PPP2R5D: variants seen among roughly 807,000 people sequenced by gnomAD.
PPP2R5D encodes the protein serine/threonine-protein phosphatase 2A 56 kDa regulatory subunit delta isoform.
In PPP2R5D, 12 loss-of-function variants were observed where a neutral mutation model predicts 79.1. The observed-to-expected ratio is 0.15, with a 90% CI of 0.10 to 0.25. The LOEUF (loss-of-function observed/expected upper bound fraction) is 0.25, where lower values mean the gene tolerates loss of function less well. PPP2R5D is among the 10% of genes least tolerant of loss of function. PPP2R5D has a pLI of 1.00. For synonymous variants in PPP2R5D, 277 were observed against 286.6 expected (o/e 0.97, Z 0.34); for missense variants, 419 against 760.2 (o/e 0.55, Z 5.28).
intron 2 of PPP2R5D, among the ~76,000 whole-genome samples, chr6:42,996,278 C>T (rs914308282): frequency 6.6e-6 from 1 of 150,422 alleles, no homozygotes; most frequent in Non-Finnish European, 1.5e-5. Context: ...TCCTGGCTAA[C>T]ATGGTGAAAC....
intron 2 of PPP2R5D, among the ~76,000 whole-genome samples, chr6:42,999,160 CAG>C (rs113807520): frequency 0.028 from 4,235 of 152,280 alleles, 183 homozygotes; most frequent in African/African-American, 0.095. Flanking sequence ...AGAAGCTTCT[CAG>C]GGGACTCACT....
At chr6:43,002,167 T>C (rs1184412858) in intron 2 of PPP2R5D, among the ~76,000 whole-genome samples, 1 of 111,846 alleles carries the variant, frequency 8.9e-6, no homozygotes, top group South Asian at 2.3e-4. Flanking sequence ...TTGGTTGTTC[T>C]TTTTTTTTTT....
chr6:43,010,378 CAG>C lies in PPP2R5D; in HGVS notation c.1380-86_1380-85del, dbSNP rs1762293285. 2 of 1,013,012 alleles carry C rather than the reference CAG, an allele frequency of 2.0e-6. No homozygotes were observed. The highest frequency in any genetic ancestry group is 1.6e-5 in the African/African-American group (1 of 62,942). The allele number at this position is 1,013,012 out of a possible 1,614,324, so 62.8% of individuals were successfully genotyped here. A position where few individuals can be genotyped will look rare whatever the true frequency, so the allele number is the denominator to read the frequency against. Reference sequence around the variant, plus strand: ...AAGTAGTAAATGACAAAGCTCTTAGCAGAGATACCCCTGTGAGAGAACAAATT... The same window carrying C: ...AAGTAGTAAATGACAAAGCTCTTAGCAGATACCCCTGTGAGAGAACAAATT... On this transcript the variant is annotated intron_variant, in intron 12 of 15. Transcript: ENST00000485511. This position sits in a 1 kb window ranked among gnomAD's most constrained non-coding sequence, Gnocchi z 4.7.
At position 43,008,038 on chromosome 6, in the gene PPP2R5D, G is replaced by A; in HGVS notation, c.830G>A (p.Arg277His). The change falls in exon 7 of 16, where the codon CGT (arginine) becomes CAT (histidine). Residue 277 changes from arginine (R) to histidine (H), a missense_variant. Around this residue, in one of 5 missense-constraint regions of PPP2R5D, gnomAD observed 196 missense variants for 424.5 expected, o/e 0.46. Coordinates refer to ENST00000485511, the MANE Select transcript of PPP2R5D (RefSeq NM_006245.4). This position sits in a 1 kb window ranked among gnomAD's most constrained non-coding sequence, Gnocchi z 4.2. Reference protein sequence around the residue: ...GKFLGLRAYIRRQINHIFYRF... With the variant: ...GKFLGLRAYIHRQINHIFYRF... ...TTTTTGGGGCTCCGGGCTTATATCC[G>A]TAGGCAGATCAACCACATCTTCTAC... The A allele has an allele frequency of 1.2e-6, 2 of 1,614,156 alleles. No individual in the cohort carries two copies.
rs376617136 is a variant in PPP2R5D, at chr6:43,010,425, C to T, written c.1380-43C>T. The T allele has an allele frequency of 5.8e-6, 9 of 1,557,094 alleles. No individual in the cohort carries two copies. The highest frequency in any genetic ancestry group is 5.6e-5 in the South Asian group (5 of 89,952). On this transcript the variant is annotated intron_variant, in intron 12 of 15. Coordinates refer to ENST00000485511, the MANE Select transcript of PPP2R5D (RefSeq NM_006245.4). The surrounding 1 kb of genome is among the most constrained non-coding windows in gnomAD (Gnocchi z 4.7). The stretch of plus-strand genomic sequence containing the variant: ...CAAATTGGGTTCCTCACGCTAAGGG[C>T]AGGCTCTGGCCTCCTACACCTCATC...
Position 43,007,050 on chromosome 6 carries a change from G to A in PPP2R5D, c.462G>A (p.Glu154=), listed in dbSNP as rs762227983. ...VKRAGLNEMV[E]YITHSRDVVT... ...GGGCAGGACTCAACGAGATGGTGGA[G>A]TACATCACCCATAGCCGTGATGTTG... The change falls in exon 4 of 16, where the codon GAG becomes GAA. Residue 154 remains glutamate, a synonymous_variant. Transcript: ENST00000485511. The surrounding 1 kb of genome is among the most constrained non-coding windows in gnomAD (Gnocchi z 4.5). 10 of 1,614,042 alleles carry A rather than the reference G, an allele frequency of 6.2e-6. No homozygotes were observed. The highest frequency in any genetic ancestry group is 2.2e-5 in the East Asian group (1 of 44,892).
Position 43,011,339 on chromosome 6 carries a change from C to T in PPP2R5D, c.*53C>T. 1 of 1,608,254 alleles carries T rather than the reference C, an allele frequency of 6.2e-7. No individual in the cohort carries two copies. ...AGCCCACACAGCCCTGGGACACTGC[C>T]CTGGCCCTCCATACTCTGCTCCCTA... On this transcript the variant is annotated 3_prime_UTR_variant, in exon 16 of 16. Coordinates refer to ENST00000485511, the MANE Select transcript of PPP2R5D (RefSeq NM_006245.4).
At chr6:42,985,828 AGTGCAATG>A (rs1770803020) in intron 1 of PPP2R5D, among the ~76,000 whole-genome samples, 1 of 135,972 alleles carries the variant, frequency 7.4e-6, no homozygotes, top group African/African-American at 2.9e-5. Context: ...CCCAGGCTGG[AGTGCAATG>A]GCGCGATCTC....
chr6:42,997,168 GTATTTTTATTTATTTTATT>G (rs1771757365), intron 2 of PPP2R5D, among the ~76,000 whole-genome samples: 2 of 151,000 alleles, frequency 1.3e-5, no homozygotes, highest in South Asian at 4.2e-4. Context: ...GCTAAATTTT[GTATTTTTATTTATTTTATT>G]TATTTTTATT....
In PPP2R5D at chr6:43,006,923, A is replaced by C. The variant is rs758055871; in HGVS notation, c.335A>C (p.Gln112Pro). The C allele has an allele frequency of 3.7e-6, 6 of 1,614,004 alleles. No homozygotes were observed. The highest frequency in any genetic ancestry group is 2.2e-5 in the South Asian group (2 of 91,078). The change falls in exon 4 of 16, where the codon CAG becomes CCG. Residue 112 changes from glutamine (Q) to proline (P), a missense_variant. Physicochemically the swap from Gln to Pro is moderately conservative, Grantham distance 76. This residue lies in a region of PPP2R5D where 110 missense variants were observed against 147.6 expected (regional missense o/e 0.75). Coordinates refer to ENST00000485511, the MANE Select transcript of PPP2R5D (RefSeq NM_006245.4). This position sits in a 1 kb window ranked among gnomAD's most constrained non-coding sequence, Gnocchi z 4.7. ...KLPALKDSPTQEREELFIQKL... is the reference protein window; with the variant it reads ...KLPALKDSPTPEREELFIQKL... ...GGGGCCCCCACAGATTCGCCAACCCAGGAGCGGGAGGAGCTGTTTATCCAG... is the reference window on the plus strand; with the variant it reads ...GGGGCCCCCACAGATTCGCCAACCCCGGAGCGGGAGGAGCTGTTTATCCAG...
intron 2 of PPP2R5D, among the ~76,000 whole-genome samples, chr6:42,999,759 G>C (rs1487246355): frequency 2.6e-5 from 4 of 151,854 alleles, no homozygotes; most frequent in Admixed American, 2.0e-4. Context: ...TAGAGATAGG[G>C]TTTTGCTATG....
intron 2 of PPP2R5D, among the ~76,000 whole-genome samples, chr6:43,001,844 G>A (rs1037771306): frequency 6.7e-6 from 1 of 148,712 alleles, no homozygotes; most frequent in Non-Finnish European, 1.5e-5. Flanking sequence ...CTGAGATTGC[G>A]CCACTGCACT....
chr6:43,000,693 C>CTGT (rs1407297533), intron 2 of PPP2R5D, among the ~76,000 whole-genome samples: 3 of 152,204 alleles, frequency 2.0e-5, no homozygotes, highest in Admixed American at 2.0e-4. Flanking sequence ...CAGGTTGGCA[C>CTGT]TGAGCCCCTC....
Position 43,010,774 on chromosome 6 carries a change from A to G in PPP2R5D, c.1554+38A>G, listed in dbSNP as rs1449798410. ...TGCCACTGTTGTGAACTGAGGGGCC[A>G]GCCCATCTTGAGCTGGGGGAGAGTT... On this transcript the variant is annotated intron_variant, in intron 14 of 15. Coordinates refer to ENST00000485511, the MANE Select transcript of PPP2R5D (RefSeq NM_006245.4). This position sits in a 1 kb window ranked among gnomAD's most constrained non-coding sequence, Gnocchi z 4.7. The G allele has an allele frequency of 6.2e-7, 1 of 1,611,172 alleles. No homozygotes were observed. The highest frequency in any genetic ancestry group is 8.5e-7 in the Non-Finnish European group (1 of 1,177,302).
At chr6:42,986,876 G>A (rs556534496) in intron 1 of PPP2R5D, among the ~76,000 whole-genome samples, 2 of 151,960 alleles carry the variant, frequency 1.3e-5, no homozygotes, top group East Asian at 3.9e-4. Flanking sequence ...GGTGCATGGA[G>A]CCAGGCATAA....
chr6:42,985,496 C>G (rs998529037), intron 1 of PPP2R5D, among the ~76,000 whole-genome samples: 2 of 152,220 alleles, frequency 1.3e-5, no homozygotes, highest in Non-Finnish European at 2.9e-5. Flanking sequence ...TCTTTTGTAT[C>G]AAAGCCCTCC....
In PPP2R5D at chr6:43,008,197, T is replaced by G. The variant is rs377129557; in HGVS notation, c.858-4T>G. 66 of 1,613,964 alleles carry G rather than the reference T, an allele frequency of 4.1e-5. No homozygotes were observed. Among genetic ancestry groups the G allele is most frequent in the Non-Finnish European group, 5.6e-5 (66 of 1,180,020 alleles). On this transcript the variant is annotated splice_region_variant and splice_polypyrimidine_tract_variant and intron_variant, in intron 7 of 15. Transcript: ENST00000485511. The surrounding 1 kb of genome is among the most constrained non-coding windows in gnomAD (Gnocchi z 4.2). ...TGTCAAGAGAGCCATTTTTCTTCCC[T>G]CAGGTTCATCTACGAGACGGAGCAT... is the stretch of plus-strand genomic sequence containing the variant.
intron 2 of PPP2R5D, among the ~76,000 whole-genome samples, chr6:43,003,223 G>A (rs576738739): frequency 1.3e-5 from 2 of 152,206 alleles, no homozygotes; most frequent in South Asian, 4.1e-4. Context: ...AGGAGTTCAA[G>A]ACCAGCCTGG....
intron 2 of PPP2R5D, among the ~76,000 whole-genome samples, chr6:42,993,008 A>G (rs1044125829): frequency 5.3e-5 from 8 of 152,030 alleles, no homozygotes; most frequent in African/African-American, 2.4e-5. Context: ...TAAAAATACA[A>G]AAATTGGGCT....
Sources: allele counts gnomAD v4.1 joint callset (sites outside exome capture counted in the v4.1 genomes callset), GRCh38; gene constraint gnomAD v4.1.1; regional missense constraint gnomAD v4.1.1; non-coding constraint Gnocchi (gnomAD v3.1); transcripts MANE v1.5; gene names NCBI Gene and HGNC (gene_info 2026-07-23, HGNC 2026-07-21).